STRBP: variants seen among roughly 807,000 people sequenced by gnomAD.
STRBP encodes spermatid perinuclear RNA-binding protein.
Under a neutral mutation model 80.1 loss-of-function variants are expected in STRBP, and 13 were observed. The ratio of observed to expected loss-of-function variants is 0.16; its 90% CI spans 0.11 to 0.26. The LOEUF is 0.26. STRBP is among the 10% of genes least tolerant of loss of function. The pLI is 1.00. For synonymous variants in STRBP, 284 were observed against 291.2 expected (o/e 0.98, Z 0.25); for missense variants, 485 against 815.2 (o/e 0.59, Z 4.93).
intron 1 of STRBP, among the ~76,000 whole-genome samples, chr9:123,263,451 G>A (rs1450998904): frequency 6.7e-6 from 1 of 149,778 alleles, no homozygotes; most frequent in Non-Finnish European, 1.5e-5. Flanking sequence ...CTTGAGCTCT[G>A]GAGTTCAAGG....
In STRBP at chr9:123,138,622, C is replaced by T. The variant is rs552587444; in HGVS notation, c.1497+907G>A. ...TAAGTTATGTCTAAGAGTCTCACAA[C>T]CCCTTCCTCCTTCAAGATTTGACAT... is the stretch of plus-strand genomic sequence containing the variant. On this transcript the variant is annotated intron_variant, in intron 14 of 18. Coordinates refer to ENST00000348403, the MANE Select transcript of STRBP (RefSeq NM_018387.5). 1.6e-4 allele frequency among the ~76,000 whole-genome samples: 25 copies of T among 152,332 alleles called. No individual in the cohort carries two copies. In the South Asian group the frequency reaches 5.0e-3, roughly 30 times the overall value.
chr9:123,250,875 A>G (rs2040899194), intron 1 of STRBP, among the ~76,000 whole-genome samples: 2 of 152,182 alleles, frequency 1.3e-5, no homozygotes, highest in Non-Finnish European at 2.9e-5. Context: ...CCCAACACTT[A>G]GGGAGGCTGA....
chr9:123,263,063 CTG>C (rs2041191075), intron 1 of STRBP, among the ~76,000 whole-genome samples: 1 of 152,192 alleles, frequency 6.6e-6, no homozygotes, highest in Non-Finnish European at 1.5e-5. Context: ...GAAACAGTTT[CTG>C]TAGCTAAACG....
intron 1 of STRBP, among the ~76,000 whole-genome samples, chr9:123,267,974 C>T (rs2041311976): frequency 6.6e-6 from 1 of 151,588 alleles, no homozygotes; most frequent in South Asian, 2.1e-4. Flanking sequence ...GGGCCGGATC[C>T]CTCTGCACCC....
chr9:123,128,145 G>T, intron 18 of STRBP, 69 bp downstream of exon 18: 2 of 1,568,906 alleles, frequency 1.3e-6, no homozygotes, highest in Non-Finnish European at 1.8e-6. Flanking sequence ...AAAAACCCTA[G>T]ATAGAAACTG....
At chr9:123,137,923 A>AGTCACT (rs1467217839) in intron 14 of STRBP, among the ~76,000 whole-genome samples, 1 of 152,240 alleles carries the variant, frequency 6.6e-6, no homozygotes, top group Non-Finnish European at 1.5e-5. Flanking sequence ...GCAAATTTCT[A>AGTCACT]GTCACTGTCT....
At chr9:123,256,252 C>T (rs1275850162) in intron 1 of STRBP, among the ~76,000 whole-genome samples, 1 of 151,946 alleles carries the variant, frequency 6.6e-6, no homozygotes, top group Non-Finnish European at 1.5e-5. Context: ...CTCCTGAGCT[C>T]AACTGATCCT....
At chr9:123,201,613 G>C (rs2039328102) in intron 2 of STRBP, among the ~76,000 whole-genome samples, 1 of 152,050 alleles carries the variant, frequency 6.6e-6, no homozygotes, top group Non-Finnish European at 1.5e-5. Context: ...TGGTCTGCAG[G>C]GATACTGGAT....
intron 2 of STRBP, among the ~76,000 whole-genome samples, chr9:123,188,187 A>G (rs2038778703): frequency 6.6e-6 from 1 of 152,064 alleles, no homozygotes; most frequent in Admixed American, 6.5e-5. Context: ...CCATCTTTTC[A>G]TGGATTGATA....
intron 2 of STRBP, among the ~76,000 whole-genome samples, chr9:123,207,004 G>A (rs554240426): frequency 6.6e-6 from 1 of 151,970 alleles, no homozygotes; most frequent in Non-Finnish European, 1.5e-5. Context: ...GTTTTTCTGT[G>A]GTAAAATGAG....
chr9:123,242,211 G>C (rs2040709509), intron 1 of STRBP, among the ~76,000 whole-genome samples: 1 of 152,146 alleles, frequency 6.6e-6, no homozygotes, highest in African/African-American at 2.4e-5. Context: ...TATCTGCATA[G>C]CACTTAATTG....
At chr9:123,145,601 T>C (rs543615796) in intron 13 of STRBP, among the ~76,000 whole-genome samples, 115 of 152,348 alleles carry the variant, frequency 7.5e-4, no homozygotes, top group Middle Eastern at 3.4e-3. Context: ...GTGACTCTCA[T>C]AACCAAACTC....
At chr9:123,162,910 A>T (rs1034613473) in intron 6 of STRBP, among the ~76,000 whole-genome samples, 1 of 152,260 alleles carries the variant, frequency 6.6e-6, no homozygotes, top group African/African-American at 2.4e-5. Context: ...AAAATGCTTA[A>T]CTGTGGTCAA....
intron 12 of STRBP, among the ~76,000 whole-genome samples, chr9:123,147,510 T>C (rs1323269546): frequency 6.6e-6 from 1 of 151,806 alleles, no homozygotes; most frequent in African/African-American, 2.4e-5. Flanking sequence ...ATCCTGTCTC[T>C]ACCAAAAATA....
At chr9:123,156,668 A>T (rs1008059141) in intron 11 of STRBP, among the ~76,000 whole-genome samples, 1 of 151,092 alleles carries the variant, frequency 6.6e-6, no homozygotes, top group Non-Finnish European at 1.5e-5. Context: ...AAAGAAAGAG[A>T]GAAAAAGGCC....
At chr9:123,161,137 C>CA (rs1363527205) in intron 6 of STRBP, 69 bp from the exon 7 acceptor site, 47 of 1,165,560 alleles carry the variant, frequency 4.0e-5, no homozygotes, top group Non-Finnish European at 5.5e-5. Context: ...AATTATCAAA[C>CA]AATAAAAAAT....
At chr9:123,235,508 GAAAAAAA>G (rs200275946) in intron 2 of STRBP, among the ~76,000 whole-genome samples, 1 of 76,990 alleles carries the variant, frequency 1.3e-5, no homozygotes, top group Non-Finnish European at 2.9e-5. Flanking sequence ...GCAACTTCAG[GAAAAAAA>G]AAAAAAAAAA....
chr9:123,246,584 T>C (rs2040804264), intron 1 of STRBP, among the ~76,000 whole-genome samples: 1 of 152,176 alleles, frequency 6.6e-6, no homozygotes, highest in African/African-American at 2.4e-5. Context: ...CCCAGGAAAA[T>C]TAAGTAAAAC....
At chr9:123,162,177 C>T (rs376830263) in intron 6 of STRBP, among the ~76,000 whole-genome samples, 2 of 151,974 alleles carry the variant, frequency 1.3e-5, no homozygotes, top group East Asian at 3.9e-4. Context: ...TTGATTTCTT[C>T]AGTTATCAGA....
Sources: gnomAD v4.1 joint callset for allele counts (sites outside exome capture counted in the v4.1 genomes callset) on GRCh38, gnomAD v4.1.1 for gene constraint, MANE v1.5 for transcripts, NCBI Gene and HGNC (gene_info 2026-07-23, HGNC 2026-07-21) for gene names.